FARP2: variants seen among roughly 807,000 people sequenced by gnomAD.
The protein encoded by FARP2 is FERM, ARHGEF and pleckstrin domain-containing protein 2.
FARP2 carries 111 observed loss-of-function variants against 130.5 expected under a neutral mutation model. That is an observed-to-expected ratio of 0.85 (90% CI 0.73 to 1.00). FARP2 has a LOEUF of 1.00. FARP2 is among the 50% of genes least tolerant of loss of function. The pLI is 0.00. For synonymous variants in FARP2, 504 were observed against 516.9 expected, an observed-to-expected ratio of 0.98 and a Z score of 0.34; for missense variants, 1,385 against 1,346.3, an observed-to-expected ratio of 1.03 and a Z score of -0.45.
chr2:241,477,418 G>A (rs1476225711), intron 19 of FARP2, among the ~76,000 whole-genome samples: 3 of 152,100 alleles, frequency 2.0e-5, no homozygotes, highest in Non-Finnish European at 2.9e-5. Context: ...ATGAGCCACC[G>A]TGCCCGGCCT....
At chr2:241,462,694 TTTTTTC>T (rs1192656845) in intron 15 of FARP2, 82 bp downstream of exon 15, 13 of 994,262 alleles carry the variant, frequency 1.3e-5, no homozygotes, top group Non-Finnish European at 1.8e-5. Flanking sequence ...TTTTTTTTCT[TTTTTTC>T]TTTTTTTGAG....
chr2:241,470,198 A>C (rs2064271685), intron 18 of FARP2, among the ~76,000 whole-genome samples: 1 of 152,236 alleles, frequency 6.6e-6, no homozygotes, highest in Non-Finnish European at 1.5e-5. Context: ...AAGGGAGTAC[A>C]TTTGTTGGGG....
intron 13 of FARP2, chr2:241,447,236 T>C (rs866088431): frequency 2.6e-5 from 4 of 152,260 alleles, no homozygotes; most frequent in Admixed American, 6.5e-5. Flanking sequence ...CTGAAGCAGC[T>C]GCATATTTTT....
chr2:241,367,019 G>A (rs747570446), intron 1 of FARP2, among the ~76,000 whole-genome samples: 4 of 151,964 alleles, frequency 2.6e-5, no homozygotes, highest in Admixed American at 6.6e-5. Context: ...GTCAGTAAGC[G>A]CTCTTCCATC....
chr2:241,416,621 T>G (rs2062679818), intron 7 of FARP2, among the ~76,000 whole-genome samples: 1 of 152,248 alleles, frequency 6.6e-6, no homozygotes, highest in African/African-American at 2.4e-5. Context: ...ACATTGCTTT[T>G]GGATCTTTGA....
intron 2 of FARP2, among the ~76,000 whole-genome samples, chr2:241,392,409 C>G (rs977374390): frequency 6.6e-6 from 1 of 152,164 alleles, no homozygotes; most frequent in African/African-American, 2.4e-5. Flanking sequence ...AATTGAGTCA[C>G]CAGTATTAAC....
At chr2:241,386,552 G>A (rs1450217892) in intron 2 of FARP2, among the ~76,000 whole-genome samples, 1 of 152,218 alleles carries the variant, frequency 6.6e-6, no homozygotes, top group Non-Finnish European at 1.5e-5. Context: ...GTTAGCGATT[G>A]TCAAAGGGAA....
At chr2:241,416,224 G>A (rs1242679794) in intron 7 of FARP2, among the ~76,000 whole-genome samples, 5 of 152,082 alleles carry the variant, frequency 3.3e-5, no homozygotes, top group African/African-American at 4.8e-5. Flanking sequence ...GTCTCTGCAT[G>A]TGTGTGTCCT....
chr2:241,409,227 A>T (rs993899687), intron 5 of FARP2, among the ~76,000 whole-genome samples: 3 of 152,210 alleles, frequency 2.0e-5, no homozygotes, highest in Admixed American at 6.5e-5. Flanking sequence ...AAAAATGTAC[A>T]TGTTTGTGGT....
intron 2 of FARP2, among the ~76,000 whole-genome samples, chr2:241,397,507 T>C (rs1483495572): frequency 6.6e-6 from 1 of 152,090 alleles, no homozygotes; most frequent in Non-Finnish European, 1.5e-5. Flanking sequence ...AAACTTGTCT[T>C]TTTTTGGGTA....
chr2:241,410,424 A>C (rs948147758), intron 5 of FARP2, among the ~76,000 whole-genome samples: 1 of 135,604 alleles, frequency 7.4e-6, no homozygotes, highest in Admixed American at 8.3e-5. Flanking sequence ...TGAAAAGGCT[A>C]ATTTCTTTCT....
Position 241,441,359 on chromosome 2 carries a change from C to T in FARP2, c.1214C>T (p.Ala405Val). 1.2e-6 allele frequency: 2 copies of T among 1,613,836 alleles called. No homozygotes were observed. The highest frequency in any genetic ancestry group is 1.7e-6 in the Non-Finnish European group (2 of 1,179,738). ...CCTGCCTCCCCATCTTCAGCGAATG[C>T]CTTTTACTCGCTCTCTCCCTCCACT... ...RTPASPSSAN[A>V]FYSLSPSTLV... Residue 405 changes from alanine (A) to valine (V), a missense_variant, in exon 13 of 27, where the codon GCC (alanine) becomes GTC (valine). Physicochemically the swap from Ala to Val is moderately conservative, Grantham distance 64 (BLOSUM62 0). Coordinates refer to ENST00000264042, the MANE Select transcript of FARP2 (RefSeq NM_014808.4).
chr2:241,465,611 A>G, intron 17 of FARP2: 10 of 1,550,748 alleles, frequency 6.4e-6, no homozygotes, highest in Non-Finnish European at 8.7e-6. Flanking sequence ...CAGGTCGTGC[A>G]TTGACTGTTC....
intron 1 of FARP2, among the ~76,000 whole-genome samples, chr2:241,363,333 A>T (rs1337724110): frequency 6.6e-6 from 1 of 152,210 alleles, no homozygotes; most frequent in Admixed American, 6.5e-5. Context: ...GAATGGGGAA[A>T]ACCCCAGTTG....
chr2:241,471,307 G>C (rs2124831028), intron 18 of FARP2: 1 of 151,934 alleles, frequency 6.6e-6, no homozygotes, highest in Non-Finnish European at 1.5e-5. Context: ...TGTTGTGAGG[G>C]GACACTATTC....
At chr2:241,430,131 G>A (rs1161728266) in intron 8 of FARP2, among the ~76,000 whole-genome samples, 1 of 152,142 alleles carries the variant, frequency 6.6e-6, no homozygotes, top group African/African-American at 2.4e-5. Context: ...TCTGATACTT[G>A]ATAATCTGTT....
chr2:241,489,646 G>T, intron 21 of FARP2: 1 of 200,004 alleles, frequency 5.0e-6, no homozygotes, highest in Admixed American at 5.5e-5. Flanking sequence ...GTTCATAAAT[G>T]AATTGTCCAA....
chr2:241,419,536 A>G (rs2062755784), intron 8 of FARP2, among the ~76,000 whole-genome samples: 1 of 152,220 alleles, frequency 6.6e-6, no homozygotes, highest in South Asian at 2.1e-4. Context: ...AATTTTTTAA[A>G]CATTTAAATC....
intron 2 of FARP2, among the ~76,000 whole-genome samples, chr2:241,401,745 G>A (rs926095032): frequency 6.6e-6 from 1 of 151,656 alleles, no homozygotes; most frequent in Admixed American, 6.6e-5. Context: ...TTTAAGGGTT[G>A]CATAGTTGTC....
Sources: allele counts gnomAD v4.1 joint callset (sites outside exome capture counted in the v4.1 genomes callset), GRCh38; gene constraint gnomAD v4.1.1; transcripts MANE v1.5; gene names NCBI Gene and HGNC (gene_info 2026-07-23, HGNC 2026-07-21).